HS6ST3: variants seen among roughly 807,000 people sequenced by gnomAD.
HS6ST3 encodes heparan sulfate 6-O-sulfotransferase 3.
HS6ST3 carries 12 observed loss-of-function variants against 36.7 expected under a neutral mutation model. The observed-to-expected ratio is 0.33, with a 90% CI of 0.21 to 0.53. The LOEUF is 0.53. Ranked by LOEUF, HS6ST3 falls within the 20% of genes least tolerant of loss-of-function variation. HS6ST3 has a pLI of 0.95. For synonymous variants in HS6ST3, 240 were observed against 257.5 expected, an observed-to-expected ratio of 0.93 and a Z score of 0.65; for missense variants, 584 against 640.9, an observed-to-expected ratio of 0.91 and a Z score of 0.96.
rs554168635 is a variant in HS6ST3, at chr13:96,684,187, C to T, written c.708-148303C>T. 2.0e-5 allele frequency among the ~76,000 whole-genome samples: 3 copies of T among 152,144 alleles called. No individual in the cohort carries two copies. In the East Asian group the frequency reaches 5.8e-4, roughly 29 times the overall value. ...TCTACCATATGTAATTTCTAGGAAT[C>T]TGAATAAAATAATGTGTCTTGTCTC... On this transcript the variant is annotated intron_variant, in intron 1 of 1. Coordinates refer to ENST00000376705, the MANE Select transcript of HS6ST3 (RefSeq NM_153456.4).
At chr13:96,449,960 G>T (rs2055719149) in intron 1 of HS6ST3, among the ~76,000 whole-genome samples, 1 of 152,170 alleles carries the variant, frequency 6.6e-6, no homozygotes, top group Non-Finnish European at 1.5e-5. Context: ...TTTGACTTAT[G>T]AAAACTACAG....
intron 1 of HS6ST3, among the ~76,000 whole-genome samples, chr13:96,475,522 T>TCAGCAG (rs1268797052): frequency 6.7e-6 from 1 of 149,340 alleles, no homozygotes; most frequent in African/African-American, 2.5e-5. Flanking sequence ...CCCTTGACCA[T>TCAGCAG]CAGCAGTCTG....
intron 1 of HS6ST3, among the ~76,000 whole-genome samples, chr13:96,793,630 C>T (rs571748876): frequency 6.6e-6 from 1 of 152,076 alleles, no homozygotes; most frequent in Admixed American, 6.6e-5. Context: ...AGGAGATTTA[C>T]TGTATTTTTA....
chr13:96,397,749 T>G (rs1023274904), intron 1 of HS6ST3, among the ~76,000 whole-genome samples: 1 of 152,172 alleles, frequency 6.6e-6, no homozygotes, highest in Non-Finnish European at 1.5e-5. Flanking sequence ...TTCTTTAGAG[T>G]TTACACAGAA....
intron 1 of HS6ST3, among the ~76,000 whole-genome samples, chr13:96,500,551 A>C (rs2055999315): frequency 6.6e-6 from 1 of 152,158 alleles, no homozygotes; most frequent in Admixed American, 6.5e-5. Flanking sequence ...TGTTGCAATA[A>C]TCCAGATGGG....
intron 1 of HS6ST3, among the ~76,000 whole-genome samples, chr13:96,752,370 T>C (rs529768951): frequency 2.0e-5 from 3 of 152,320 alleles, no homozygotes; most frequent in African/African-American, 7.2e-5. Context: ...TGTTCAGGTG[T>C]ACAAGGTAAC....
chr13:96,659,580 G>A (rs976639275), intron 1 of HS6ST3, among the ~76,000 whole-genome samples: 1 of 151,744 alleles, frequency 6.6e-6, no homozygotes, highest in African/African-American at 2.4e-5. Flanking sequence ...CTGTCCTAAG[G>A]TATGAAGATA....
intron 1 of HS6ST3, among the ~76,000 whole-genome samples, chr13:96,526,306 T>C (rs2056114357): frequency 6.6e-6 from 1 of 152,162 alleles, no homozygotes; most frequent in Non-Finnish European, 1.5e-5. Context: ...CACTGAAGGA[T>C]TTCAAATAAG....
intron 1 of HS6ST3, among the ~76,000 whole-genome samples, chr13:96,805,704 A>G (rs530624201): frequency 6.6e-6 from 1 of 152,350 alleles, no homozygotes; most frequent in African/African-American, 2.4e-5. Flanking sequence ...TGCAATTAAC[A>G]TAAACAGATT....
At chr13:96,513,984 G>A (rs1256633227) in intron 1 of HS6ST3, among the ~76,000 whole-genome samples, 6 of 152,230 alleles carry the variant, frequency 3.9e-5, no homozygotes, top group Admixed American at 3.9e-4. Flanking sequence ...CGTTGTGGGA[G>A]AGGAGAGTTA....
chr13:96,228,711 ACT>A (rs1227001272), intron 1 of HS6ST3, among the ~76,000 whole-genome samples: 2 of 152,012 alleles, frequency 1.3e-5, no homozygotes, highest in South Asian at 2.1e-4. Flanking sequence ...ATTTCTTGAA[ACT>A]CTGTGCAAAG....
intron 1 of HS6ST3, among the ~76,000 whole-genome samples, chr13:96,212,765 A>G (rs1431443998): frequency 6.6e-6 from 1 of 152,082 alleles, no homozygotes; most frequent in East Asian, 1.9e-4. Context: ...AAGACTAGGG[A>G]TAGAGGGCAC....
chr13:96,779,944 G>A (rs149239863), intron 1 of HS6ST3, among the ~76,000 whole-genome samples: 2 of 152,222 alleles, frequency 1.3e-5, no homozygotes, highest in East Asian at 3.9e-4. Flanking sequence ...ATTGCTGAAT[G>A]GCATGATTAT....
rs193280464 is a variant in HS6ST3, at chr13:96,446,666, G to C, written c.707+355097G>C. The stretch of plus-strand genomic sequence containing the variant: ...GGCAGTGGAAAAGAATAAGCATGTT[G>C]ATGGGTCCAGGAGAGCAGTGTGTGA... On this transcript the variant is annotated intron_variant, in intron 1 of 1. Coordinates refer to ENST00000376705, the MANE Select transcript of HS6ST3 (RefSeq NM_153456.4). Among the ~76,000 whole-genome samples, 5 of 152,280 alleles carry C rather than the reference G, an allele frequency of 3.3e-5. No homozygotes were observed. In the East Asian group the frequency reaches 7.7e-4, roughly 24 times the overall value.
intron 1 of HS6ST3, among the ~76,000 whole-genome samples, chr13:96,793,488 G>A (rs1222046189): frequency 2.0e-5 from 3 of 152,080 alleles, no homozygotes; most frequent in African/African-American, 7.2e-5. Flanking sequence ...AGACCTGGTA[G>A]GTGGGAGGCA....
intron 1 of HS6ST3, among the ~76,000 whole-genome samples, chr13:96,112,328 GA>G (rs1382190607): frequency 6.6e-6 from 1 of 151,824 alleles, no homozygotes; most frequent in African/African-American, 2.4e-5. Flanking sequence ...TAAGCTTTGG[GA>G]TAATGTAAAA....
chr13:96,186,101 T>C (rs541551382), intron 1 of HS6ST3, among the ~76,000 whole-genome samples: 2 of 152,354 alleles, frequency 1.3e-5, no homozygotes, highest in African/African-American at 2.4e-5. Flanking sequence ...CGTGTATATG[T>C]ACATTATAAA....
rs1261703768 is a variant in HS6ST3, at chr13:96,090,567, G to GGGGCGGGAGCAGGGAGC, written c.-291_-275dup. On this transcript the variant is annotated 5_prime_UTR_variant, in exon 1 of 2. Transcript: ENST00000376705. ...GCGCGTCGCCTGAGAGAGCCGCGCC[G>GGGGCGGGAGCAGGGAGC]GGGCGGGAGCAGGGAGCGGGCCGGC... Among the ~76,000 whole-genome samples the GGGGCGGGAGCAGGGAGC allele has an allele frequency of 4.1e-5, 6 of 145,986 alleles. No homozygotes were observed. The highest frequency in any genetic ancestry group is 1.2e-4 in the African/African-American group (5 of 40,770).
At chr13:96,680,358 C>A (rs2056714074) in intron 1 of HS6ST3, among the ~76,000 whole-genome samples, 1 of 152,176 alleles carries the variant, frequency 6.6e-6, no homozygotes, top group African/African-American at 2.4e-5. Flanking sequence ...ACCTGACAAT[C>A]TCCCTGCATA....
Sources: gnomAD v4.1 joint callset for allele counts (sites outside exome capture counted in the v4.1 genomes callset) on GRCh38, gnomAD v4.1.1 for gene constraint, MANE v1.5 for transcripts, NCBI Gene and HGNC (gene_info 2026-07-23, HGNC 2026-07-21) for gene names.